SEPTIN11: variants seen among roughly 807,000 people sequenced by gnomAD.
SEPTIN11 encodes the protein septin 11.
In SEPTIN11, 25 loss-of-function variants were observed where a neutral mutation model predicts 51.4. That is an observed-to-expected ratio of 0.49 (90% CI 0.35 to 0.68). SEPTIN11 has a LOEUF of 0.68. SEPTIN11 is among the 30% of genes least tolerant of loss of function. The pLI is 0.00. For synonymous variants in SEPTIN11, 174 were observed against 184.1 expected, an observed-to-expected ratio of 0.95 and a Z score of 0.44; for missense variants, 381 against 520.8, an observed-to-expected ratio of 0.73 and a Z score of 2.61.
intron 3 of SEPTIN11, among the ~76,000 whole-genome samples, chr4:77,007,393 G>A (rs2109950638): frequency 6.6e-6 from 1 of 152,286 alleles, no homozygotes; most frequent in East Asian, 1.9e-4. Context: ...CCTCCCCCAA[G>A]GAATGAGAAC....
intron 1 of SEPTIN11, among the ~76,000 whole-genome samples, chr4:76,973,610 A>G (rs181038457): frequency 3.9e-5 from 6 of 152,354 alleles, no homozygotes; most frequent in Admixed American, 6.5e-5. Context: ...TTTGTATGAC[A>G]CAAATCGAGC....
chr4:77,014,728 T>G, intron 4 of SEPTIN11, 128 bp from the exon 5 acceptor site: 1 of 893,176 alleles, frequency 1.1e-6, no homozygotes, highest in Non-Finnish European at 1.7e-6. Context: ...GATGTTTTGA[T>G]ATAAGTAGGA....
At chr4:76,974,664 A>G (rs571997092) in intron 1 of SEPTIN11, 1 of 429,070 alleles carries the variant, frequency 2.3e-6, no homozygotes, top group South Asian at 1.7e-5. Context: ...GAAAACCCAA[A>G]CTCCCCTTCT....
chr4:76,994,397 G>A (rs1723551536), intron 1 of SEPTIN11, among the ~76,000 whole-genome samples: 1 of 152,244 alleles, frequency 6.6e-6, no homozygotes, highest in Non-Finnish European at 1.5e-5. Context: ...GCTGGAAGAA[G>A]TACAGTATTG....
chr4:76,986,642 C>T (rs568323102), intron 1 of SEPTIN11, among the ~76,000 whole-genome samples: 1 of 152,152 alleles, frequency 6.6e-6, no homozygotes, highest in Non-Finnish European at 1.5e-5. Flanking sequence ...CCTTCCACTA[C>T]ACTTTTCCAC....
chr4:76,958,519 G>C (rs1174831262), intron 1 of SEPTIN11, among the ~76,000 whole-genome samples: 1 of 152,174 alleles, frequency 6.6e-6, no homozygotes, highest in African/African-American at 2.4e-5. Context: ...CCTGTCTCAA[G>C]TCCTTGCATT....
intron 1 of SEPTIN11, chr4:76,958,981 A>G: frequency 1.2e-6 from 1 of 861,124 alleles, no homozygotes; most frequent in Non-Finnish European, 2.0e-6. Flanking sequence ...CTAAAGCAAC[A>G]TCCTGACAGT....
At chr4:76,954,418 T>A (rs1026169834) in intron 1 of SEPTIN11, among the ~76,000 whole-genome samples, 1 of 152,222 alleles carries the variant, frequency 6.6e-6, no homozygotes, top group Admixed American at 6.5e-5. Flanking sequence ...AAAGCTTCTA[T>A]ACTTTTTTCC....
Position 76,970,049 on chromosome 4 carries a change from C to T in SEPTIN11, c.27+20119C>T, listed in dbSNP as rs560251193. The stretch of plus-strand genomic sequence containing the variant: ...TCAACTCCCAGCATGACATGCATGC[C>T]CTTCCGAGACTTCATGCCTGTCTTC... On this transcript the variant is annotated intron_variant, in intron 1 of 9. Transcript: ENST00000264893. Among the ~76,000 whole-genome samples the T allele has an allele frequency of 9.8e-4, 150 of 152,294 alleles. 1 individual carries two copies. The highest frequency in any genetic ancestry group is 7.7e-3 in the South Asian group (37 of 4,820).
At chr4:76,990,293 C>G (rs1723297710) in intron 1 of SEPTIN11, among the ~76,000 whole-genome samples, 1 of 152,064 alleles carries the variant, frequency 6.6e-6, no homozygotes, top group Non-Finnish European at 1.5e-5. Flanking sequence ...ATTTTATAAT[C>G]CTCTTGCTAG....
intron 1 of SEPTIN11, among the ~76,000 whole-genome samples, chr4:76,966,873 T>A (rs1722056472): frequency 1.3e-5 from 2 of 151,144 alleles, no homozygotes; most frequent in Middle Eastern, 7.0e-3. Flanking sequence ...CAAAAAATAT[T>A]AAGTAGTCTA....
rs182211815 is a variant in SEPTIN11 at position 76,965,794 on chromosome 4, T to G, written c.27+15864T>G. ...TTCTCTCATGACAGAGTGCAGAATA[T>G]GTATATTCTAAATTTGGAACCCTAT... On this transcript the variant is annotated intron_variant, in intron 1 of 9. Coordinates refer to ENST00000264893, the MANE Select transcript of SEPTIN11 (RefSeq NM_018243.4). Among the ~76,000 whole-genome samples the G allele has an allele frequency of 3.3e-4, 50 of 152,292 alleles. 2 individuals are homozygous for G. Among genetic ancestry groups the G allele is most frequent in the Admixed American group, 2.9e-3 (45 of 15,288 alleles).
chr4:77,010,814 GC>G (rs138438249), intron 3 of SEPTIN11, among the ~76,000 whole-genome samples: 37,445 of 152,080 alleles, frequency 0.25, 5,656 homozygotes, highest in East Asian at 0.33. Context: ...TCTCTTTGTT[GC>G]TAAAACGAAC....
chr4:77,005,781 T>C lies in SEPTIN11; in HGVS notation c.323T>C (p.Ile108Thr). 1 of 1,613,644 alleles carries C rather than the reference T, an allele frequency of 6.2e-7. No homozygotes were observed. The change falls in exon 3 of 10, where the codon ATA (isoleucine) becomes ACA (threonine). Residue 108 changes from isoleucine (I) to threonine (T), a missense_variant. Around this residue, in one of 2 missense-constraint regions of SEPTIN11, gnomAD observed 184 missense variants for 207.7 expected, o/e 0.89. Coordinates refer to ENST00000264893, the MANE Select transcript of SEPTIN11 (RefSeq NM_018243.4). The part of the protein sequence containing the change: ...IVDTVGFGDQ[I>T]NKDDSYKPIV... ...GACACCGTGGGATTTGGAGACCAGA[T>C]AAATAAAGATGACAGGTACATCTTG... is the stretch of plus-strand genomic sequence containing the variant.
chr4:76,975,873 C>G (rs1722476920), intron 1 of SEPTIN11, among the ~76,000 whole-genome samples: 1 of 152,192 alleles, frequency 6.6e-6, no homozygotes, highest in Non-Finnish European at 1.5e-5. Flanking sequence ...AGGAAGTAAG[C>G]ACTTTTGTTA....
In SEPTIN11 at chr4:76,949,784, G is replaced by T; in HGVS notation, c.-120G>T. On this transcript the variant is annotated 5_prime_UTR_variant, in exon 1 of 10. Coordinates refer to ENST00000264893, the MANE Select transcript of SEPTIN11 (RefSeq NM_018243.4). ...TGCCGCTGGCTGCCAGCGGGACGCC[G>T]GCGAGCAGAGCGCAGCCGCGAGGGA... 1.8e-6 allele frequency: 2 copies of T among 1,124,618 alleles called. No homozygotes were observed. Among genetic ancestry groups the T allele is most frequent in the Non-Finnish European group, 2.5e-6 (2 of 809,560 alleles). The allele number at this position is 1,124,618 out of a possible 1,614,324, so 69.7% of individuals were successfully genotyped here.
chr4:77,013,559 G>A (rs565680643), intron 4 of SEPTIN11, among the ~76,000 whole-genome samples: 10 of 152,290 alleles, frequency 6.6e-5, no homozygotes, highest in African/African-American at 2.2e-4. Flanking sequence ...ACAATAGGAA[G>A]TTTCTTGTTC....
At chr4:77,032,886 A>G (rs192168810) in intron 9 of SEPTIN11, among the ~76,000 whole-genome samples, 117 of 151,388 alleles carry the variant, frequency 7.7e-4, no homozygotes, top group African/African-American at 2.5e-3. Flanking sequence ...CCTTTTGAAC[A>G]TGTTAGGTTA....
chr4:77,039,470 G>A (rs1312620807), downstream of SEPTIN11: 1 of 993,580 alleles, frequency 1.0e-6, no homozygotes, highest in Non-Finnish European at 1.2e-6. Context: ...CCTAACCTGA[G>A]GGGGCCACCA....
Sources: gnomAD v4.1 joint callset for allele counts (sites outside exome capture counted in the v4.1 genomes callset) on GRCh38, gnomAD v4.1.1 for gene constraint, gnomAD v4.1.1 regional missense constraint, MANE v1.5 for transcripts, NCBI Gene and HGNC (gene_info 2026-07-23, HGNC 2026-07-21) for gene names.